The following NRCAM variants were observed in gnomAD, a reference collection of about 807,000 sequenced individuals.
NRCAM encodes the protein NgCAM-related cell adhesion molecule.
Under a neutral mutation model 156.5 loss-of-function variants are expected in NRCAM, and 83 were observed. The ratio of observed to expected loss-of-function variants is 0.53; its 90% CI spans 0.44 to 0.64. The LOEUF (loss-of-function observed/expected upper bound fraction) is 0.64, where lower values mean the gene tolerates loss of function less well. Ranked by LOEUF, NRCAM falls within the 30% of genes least tolerant of loss-of-function variation. The probability of loss-of-function intolerance (pLI) is 0.00; values close to 1 mark genes in which losing one functional copy is unlikely to be tolerated. For synonymous variants in NRCAM, 538 were observed against 563.9 expected (o/e 0.95, Z 0.65); for missense variants, 1,417 against 1,597.3 (o/e 0.89, Z 1.92).
intron 4 of NRCAM, 119 bp from the exon 5 acceptor site, chr7:108,237,888 A>C (rs1325380922): frequency 1.5e-6 from 1 of 682,174 alleles, no homozygotes; most frequent in East Asian, 3.2e-5. Context: ...ATTTGATTTG[A>C]TCTAAGAAAA....
intron 2 of NRCAM, among the ~76,000 whole-genome samples, chr7:108,353,328 C>T (rs536921134): frequency 6.6e-6 from 1 of 151,812 alleles, no homozygotes; most frequent in South Asian, 2.1e-4. Flanking sequence ...TTTCTTCCTT[C>T]TTTCTTCTTC....
intron 12 of NRCAM, among the ~76,000 whole-genome samples, chr7:108,208,163 A>G (rs1309939947): frequency 2.0e-5 from 3 of 149,518 alleles, no homozygotes; most frequent in African/African-American, 7.4e-5. Context: ...AAAATTAGCC[A>G]GGTGTGGTGG....
intron 2 of NRCAM, among the ~76,000 whole-genome samples, chr7:108,366,940 T>C (rs370036567): frequency 1.3e-5 from 2 of 152,338 alleles, no homozygotes; most frequent in African/African-American, 2.4e-5. Context: ...TTATCTTCCA[T>C]ATTATTTTCG....
At position 108,175,337 on chromosome 7, in the gene NRCAM, C is replaced by A. The variant is rs755900777; in HGVS notation, c.3172G>T (p.Val1058Leu). 16 of 1,561,106 alleles carry A rather than the reference C, an allele frequency of 1.0e-5. No homozygotes were observed. In the African/African-American group the frequency reaches 1.9e-4, roughly 19 times the overall value. ...VDEAGILPPD[V>L]GAGKVQAVNP... ...ATTATTTTACCTTTGCCTGCACCTA[C>A]ATCAGGTGGAAGAATACCAGCTTTA... The change falls in exon 28 of 33, where the codon GTA becomes TTA. Residue 1058 changes from valine to leucine, a missense_variant. This residue lies in a region of NRCAM where 1,238 missense variants were observed against 1,336.4 expected (regional missense o/e 0.93). Coordinates refer to ENST00000379028, the MANE Select transcript of NRCAM (RefSeq NM_001037132.4).
chr7:108,186,021 C>A (rs1449247612), intron 20 of NRCAM, among the ~76,000 whole-genome samples: 1 of 152,206 alleles, frequency 6.6e-6, no homozygotes, highest in South Asian at 2.1e-4. Context: ...AGTGCATACC[C>A]TCTGCGTCCA....
intron 2 of NRCAM, among the ~76,000 whole-genome samples, chr7:108,397,321 G>T (rs2099779618): frequency 6.6e-6 from 1 of 152,084 alleles, no homozygotes; most frequent in South Asian, 2.1e-4. Context: ...TTTCCAATGG[G>T]TATTAAGGAA....
intron 2 of NRCAM, among the ~76,000 whole-genome samples, chr7:108,393,955 C>A (rs1430540380): frequency 6.6e-6 from 1 of 152,184 alleles, no homozygotes. Context: ...CTGGTGAGGG[C>A]TCCTGAGCAC....
chr7:108,182,713 C>T lies in NRCAM; in HGVS notation c.2512G>A (p.Gly838Arg). 6.2e-7 allele frequency: 1 copy of T among 1,614,188 alleles called. No homozygotes were observed. Among genetic ancestry groups the T allele is most frequent in the African/African-American group, 1.3e-5 (1 of 75,054 alleles). Residue 838 changes from glycine to arginine, a missense_variant, in exon 23 of 33, where the codon GGA becomes AGA. Gly to Arg is a moderately radical substitution (Grantham distance 125). Coordinates refer to ENST00000379028, the MANE Select transcript of NRCAM (RefSeq NM_001037132.4). Reference protein sequence around the residue: ...GFAPEPAVVMGHSGEDLPMVA... With the variant: ...GFAPEPAVVMRHSGEDLPMVA... Reference sequence around the variant, plus strand: ...CACTTACGGTCTTCTCCAGAATGTCCCATGACTACAGCTGGCTCGGGGGCA... The same window carrying T: ...CACTTACGGTCTTCTCCAGAATGTCTCATGACTACAGCTGGCTCGGGGGCA...
At position 108,431,662 on chromosome 7, in the gene NRCAM, G is replaced by A. The variant is rs563629637; in HGVS notation, c.-332+24581C>T. Reference sequence around the variant, plus strand: ...TAGCCAAGCACGGTGACATGCACCCGTAGTCCCAGCTACTCAGGTGGCTGA... The same window carrying A: ...TAGCCAAGCACGGTGACATGCACCCATAGTCCCAGCTACTCAGGTGGCTGA... On this transcript the variant is annotated intron_variant, in intron 1 of 32. Coordinates refer to ENST00000379028, the MANE Select transcript of NRCAM (RefSeq NM_001037132.4). 1.1e-4 allele frequency among the ~76,000 whole-genome samples: 16 copies of A among 152,230 alleles called. No homozygotes were observed. In the South Asian group the frequency reaches 2.5e-3, roughly 24 times the overall value.
intron 13 of NRCAM, among the ~76,000 whole-genome samples, chr7:108,206,083 G>C (rs2080997374): frequency 6.6e-6 from 1 of 152,156 alleles, no homozygotes; most frequent in African/African-American, 2.4e-5. Flanking sequence ...TTTCTCCCAG[G>C]AATACACTTC....
At chr7:108,218,662 C>T (rs918260338) in intron 11 of NRCAM, among the ~76,000 whole-genome samples, 39 of 152,058 alleles carry the variant, frequency 2.6e-4, no homozygotes, top group Admixed American at 1.1e-3. Flanking sequence ...TCGAACTGAA[C>T]GACAATAGTG....
chr7:108,280,519 C>A (rs2097813863), intron 3 of NRCAM, among the ~76,000 whole-genome samples: 4 of 152,206 alleles, frequency 2.6e-5, no homozygotes, highest in African/African-American at 9.6e-5. Flanking sequence ...AGACCTCCCA[C>A]TGGACAGCAA....
At chr7:108,194,997 T>C (rs2074132058) in intron 15 of NRCAM, among the ~76,000 whole-genome samples, 1 of 152,126 alleles carries the variant, frequency 6.6e-6, no homozygotes, top group African/African-American at 2.4e-5. Context: ...CTTGGCTGGA[T>C]CCAAGTCAGG....
chr7:108,302,382 C>A (rs1164777317), intron 3 of NRCAM, among the ~76,000 whole-genome samples: 1 of 152,144 alleles, frequency 6.6e-6, no homozygotes, highest in South Asian at 2.1e-4. Flanking sequence ...ATTCTACTTG[C>A]ATGGAGTCCC....
chr7:108,423,749 C>T (rs150717456), intron 1 of NRCAM, among the ~76,000 whole-genome samples: 1 of 152,354 alleles, frequency 6.6e-6, no homozygotes, highest in African/African-American at 2.4e-5. Flanking sequence ...CTCTACCACT[C>T]GGTGTCATCA....
At chr7:108,230,851 T>C (rs189214280) in intron 8 of NRCAM, among the ~76,000 whole-genome samples, 180 bp downstream of exon 8, 103 of 152,242 alleles carry the variant, frequency 6.8e-4, no homozygotes, top group African/African-American at 2.3e-3. Flanking sequence ...GCAAGATACA[T>C]AGTAAATGTC....
At chr7:108,302,943 T>G (rs1055719415) in intron 3 of NRCAM, among the ~76,000 whole-genome samples, 4 of 152,102 alleles carry the variant, frequency 2.6e-5, no homozygotes, top group Non-Finnish European at 4.4e-5. Flanking sequence ...AAGCAGCCCT[T>G]CTGCTGCATT....
intron 4 of NRCAM, 86 bp from the exon 5 acceptor site, chr7:108,237,855 A>C: frequency 1.0e-6 from 1 of 962,136 alleles, no homozygotes; most frequent in Non-Finnish European, 1.5e-6. Flanking sequence ...TAGAACTCTG[A>C]AGATAAAGGG....
chr7:108,385,667 G>A (rs1452300127), intron 2 of NRCAM, among the ~76,000 whole-genome samples: 1 of 151,996 alleles, frequency 6.6e-6, no homozygotes, highest in Non-Finnish European at 1.5e-5. Context: ...AGAAAGGAGG[G>A]AGTCCTGGAA....
Sources: gnomAD v4.1 joint callset for allele counts (sites outside exome capture counted in the v4.1 genomes callset) on GRCh38, gnomAD v4.1.1 for gene constraint, gnomAD v4.1.1 regional missense constraint, MANE v1.5 for transcripts, NCBI Gene and HGNC (gene_info 2026-07-23, HGNC 2026-07-21) for gene names.